The following ATRN variants were observed in gnomAD, a reference collection of about 807,000 sequenced individuals.
ATRN encodes attractin.
Under a neutral mutation model 178.7 loss-of-function variants are expected in ATRN, and 54 were observed. The ratio of observed to expected loss-of-function variants is 0.30; its 90% confidence interval spans 0.24 to 0.38. The LOEUF is 0.38. ATRN is among the 10% of genes least tolerant of loss of function. The pLI is 1.00. For synonymous variants in ATRN, 636 were observed against 663.0 expected, an observed-to-expected ratio of 0.96 and a Z score of 0.63; for missense variants, 1,443 against 1,815.1, an observed-to-expected ratio of 0.79 and a Z score of 3.73.
intron 11 of ATRN, among the ~76,000 whole-genome samples, chr20:3,565,796 CAAA>C (rs10582104): frequency 3.0e-5 from 3 of 100,226 alleles, no homozygotes; most frequent in Non-Finnish European, 6.0e-5. Flanking sequence ...GACTCTGTCT[CAAA>C]AAAAAAAAAA....
chr20:3,559,306 C>T, intron 6 of ATRN, 87 bp from the exon 7 acceptor site: 1 of 1,074,512 alleles, frequency 9.3e-7, no homozygotes, highest in Non-Finnish European at 1.4e-6. Context: ...TAGTGAGCAT[C>T]TCCAAACTGG....
chr20:3,620,667 T>C (rs2086890304), intron 24 of ATRN, among the ~76,000 whole-genome samples: 2 of 152,226 alleles, frequency 1.3e-5, no homozygotes, highest in South Asian at 4.1e-4. Flanking sequence ...TCTGACTTTG[T>C]TGTAAGCTAT....
Position 3,649,061 on chromosome 20 carries a change from T to G in ATRN, c.*2214T>G, listed in dbSNP as rs1158200551. On this transcript the variant is annotated 3_prime_UTR_variant, in exon 29 of 29. Coordinates refer to ENST00000262919, the MANE Select transcript of ATRN (RefSeq NM_139321.3). Reference sequence around the variant, plus strand: ...TTTTAAAAAGGAAGGAAGGAGCAAGTGAAGTTTCATTCTGCTCCAGCGGTG... The same window carrying G: ...TTTTAAAAAGGAAGGAAGGAGCAAGGGAAGTTTCATTCTGCTCCAGCGGTG... 1.3e-5 allele frequency: 2 copies of G among 152,234 alleles called. No individual in the cohort carries two copies. Among genetic ancestry groups the G allele is most frequent in the East Asian group, 3.8e-4 (2 of 5,200 alleles). 9.4% of individuals were successfully genotyped at this position (152,234 alleles called of 1,614,324 possible). A position where few individuals can be genotyped will look rare whatever the true frequency, so the allele number is the denominator to read the frequency against.
At chr20:3,542,335 C>G (rs1047076522) in intron 3 of ATRN, among the ~76,000 whole-genome samples, 3 of 152,130 alleles carry the variant, frequency 2.0e-5, no homozygotes, top group African/African-American at 7.2e-5. Flanking sequence ...TATCAGGAGC[C>G]TTGTAGGAAC....
rs1197625793 is a variant in ATRN at position 3,489,670 on chromosome 20, C to T, written c.410+18153C>T. 3.2e-5 allele frequency: 49 copies of T among 1,548,120 alleles called. 2 individuals carry two copies. The Admixed American group carries it at 7.7e-4, about 24-fold the overall frequency. ...AATTTGAATTTGGCCCACAAGGAGA[C>T]AGCATCTTCAATCTGCGTCACATTA... On this transcript the variant is annotated intron_variant, in intron 1 of 28. Transcript: ENST00000262919.
intron 5 of ATRN, 72 bp from the exon 6 acceptor site, chr20:3,549,093 TTTAGA>T (rs1278238160): frequency 8.4e-7 from 1 of 1,187,440 alleles, no homozygotes. Context: ...ATTTGTTACA[TTTAGA>T]TAATTAAAAC....
intron 8 of ATRN, 86 bp downstream of exon 8, chr20:3,560,991 A>C: frequency 6.8e-7 from 1 of 1,471,842 alleles, no homozygotes; most frequent in Non-Finnish European, 9.3e-7. Flanking sequence ...AGAAAAGTTC[A>C]ACCTAATCTT....
intron 1 of ATRN, among the ~76,000 whole-genome samples, chr20:3,488,235 T>C (rs553122284): frequency 1.3e-4 from 20 of 152,316 alleles, no homozygotes; most frequent in African/African-American, 4.8e-4. Flanking sequence ...TTGATTTTTT[T>C]CCCTTTTTGT....
chr20:3,630,567 A>G (rs1600169679), intron 25 of ATRN, among the ~76,000 whole-genome samples: 1 of 152,196 alleles, frequency 6.6e-6, no homozygotes, highest in African/African-American at 2.4e-5. Context: ...GAGCATGTGT[A>G]TGGAATAAGA....
chr20:3,495,784 C>T (rs903082546), intron 1 of ATRN, among the ~76,000 whole-genome samples: 2 of 151,348 alleles, frequency 1.3e-5, no homozygotes, highest in African/African-American at 4.9e-5. Context: ...AAAACAAAAC[C>T]CACTGTAGCA....
intron 1 of ATRN, among the ~76,000 whole-genome samples, chr20:3,480,313 G>GTTT (rs1398150951): frequency 1.1e-4 from 16 of 152,276 alleles, no homozygotes; most frequent in African/African-American, 3.9e-4. Flanking sequence ...CTCTGTGGGC[G>GTTT]TTTAGAAGGA....
intron 1 of ATRN, among the ~76,000 whole-genome samples, chr20:3,512,098 TATATATA>T (rs1568697780): frequency 7.9e-6 from 1 of 127,154 alleles, no homozygotes; most frequent in African/African-American, 3.5e-5. Context: ...TATATATATA[TATATATA>T]TATTTTTTTT....
chr20:3,603,444 G>T (rs2086638731), intron 23 of ATRN, among the ~76,000 whole-genome samples: 1 of 151,936 alleles, frequency 6.6e-6, no homozygotes, highest in Non-Finnish European at 1.5e-5. Context: ...GTGGGGCAAG[G>T]GTGGAAGGGA....
Position 3,645,388 on chromosome 20 carries a change from G to C in ATRN, c.4165+1120G>C, listed in dbSNP as rs2087099899. ...TCTCACCTAGGGATTCCTGTGAGTT[G>C]AGCCCCTAACTCGGCCTTGCCTGTG... On this transcript the variant is annotated intron_variant, in intron 28 of 28. Transcript: ENST00000262919. This position sits in a 1 kb window ranked among gnomAD's most constrained non-coding sequence, Gnocchi z 4.7. Among the ~76,000 whole-genome samples, 1 of 152,210 alleles carries C rather than the reference G, an allele frequency of 6.6e-6. No individual in the cohort carries two copies. Among genetic ancestry groups the C allele is most frequent in the Non-Finnish European group, 1.5e-5 (1 of 68,018 alleles).
chr20:3,557,008 CCT>C (rs2085886274), intron 6 of ATRN, among the ~76,000 whole-genome samples: 1 of 152,172 alleles, frequency 6.6e-6, no homozygotes, highest in Non-Finnish European at 1.5e-5. Context: ...TTCTGTCCTT[CCT>C]CTGTTTCTTT....
At chr20:3,628,805 A>G (rs2086966397) in intron 25 of ATRN, 32 of 815,934 alleles carry the variant, frequency 3.9e-5, no homozygotes, top group Non-Finnish European at 4.7e-5. Flanking sequence ...AGACTCTTCC[A>G]GCCGTCTCTG....
At chr20:3,534,254 C>T (rs2085493187) in intron 1 of ATRN, among the ~76,000 whole-genome samples, 1 of 152,108 alleles carries the variant, frequency 6.6e-6, no homozygotes, top group African/African-American at 2.4e-5. Flanking sequence ...TGGTGGTCTC[C>T]ATGGGGCCAA....
At chr20:3,597,572 G>A (rs1317097785) in intron 21 of ATRN, among the ~76,000 whole-genome samples, 1 of 152,076 alleles carries the variant, frequency 6.6e-6, no homozygotes, top group Non-Finnish European at 1.5e-5. Flanking sequence ...CATCTTTTTG[G>A]TTAAACACAT....
At chr20:3,481,049 A>G (rs1445840467) in intron 1 of ATRN, among the ~76,000 whole-genome samples, 1 of 152,020 alleles carries the variant, frequency 6.6e-6, no homozygotes, top group Non-Finnish European at 1.5e-5. Context: ...GTGAATTCCC[A>G]AATGCATTTT....
Sources: gnomAD v4.1 joint callset for allele counts (sites outside exome capture counted in the v4.1 genomes callset) on GRCh38, gnomAD v4.1.1 for gene constraint, Gnocchi (gnomAD v3.1) non-coding constraint, MANE v1.5 for transcripts, NCBI Gene and HGNC (gene_info 2026-07-23, HGNC 2026-07-21) for gene names.